The following MARCHF1 variants were observed in gnomAD, a reference collection of about 807,000 sequenced individuals.
MARCHF1 encodes the protein membrane associated ring-CH-type finger 1.
MARCHF1 carries 40 observed loss-of-function variants against 54.2 expected under a neutral mutation model. The observed-to-expected ratio is 0.74, with a 90% CI of 0.57 to 0.96. MARCHF1 has a LOEUF of 0.96. Among genes scored for constraint, MARCHF1 ranks in the 40% least tolerant of loss-of-function variants. MARCHF1 has a pLI of 0.00. For missense variants in MARCHF1, 586 were observed against 656.5 expected (o/e 0.89, Z 1.17); for synonymous variants, 236 against 236.3 (o/e 1.00, Z 0.01).
At chr4:163,981,235 CA>C (rs1752756808) in intron 3 of MARCHF1, among the ~76,000 whole-genome samples, 1 of 152,008 alleles carries the variant, frequency 6.6e-6, no homozygotes. Context: ...TGCTTTGTAG[CA>C]GAAAATGTGC....
rs554825487 is a variant in MARCHF1, at chr4:163,723,353, C to T, written c.112-22490G>A. Among the ~76,000 whole-genome samples, 548 of 152,282 alleles carry T rather than the reference C, an allele frequency of 3.6e-3. 3 individuals carry two copies. The highest frequency in any genetic ancestry group is 0.013 in the African/African-American group (524 of 41,544). On this transcript the variant is annotated intron_variant, in intron 4 of 9. Transcript: ENST00000514618. Reference sequence around the variant, plus strand: ...CTTTAAAAATGTTGAATATTGGCCCCCACTCTCTTCTGGCTTGTAGAGTTT... The same window carrying T: ...CTTTAAAAATGTTGAATATTGGCCCTCACTCTCTTCTGGCTTGTAGAGTTT...
At chr4:163,649,087 A>G (rs1270142744) in intron 5 of MARCHF1, among the ~76,000 whole-genome samples, 3 of 152,012 alleles carry the variant, frequency 2.0e-5, no homozygotes, top group African/African-American at 7.2e-5. Context: ...TTTTTTTTCT[A>G]GAATATGCTG....
At chr4:164,091,434 A>ATATATAT (rs56887424) in intron 2 of MARCHF1, among the ~76,000 whole-genome samples, 2 of 147,066 alleles carry the variant, frequency 1.4e-5, no homozygotes, top group Non-Finnish European at 1.5e-5. Context: ...ATATATGTAT[A>ATATATAT]AAATGAATTG....
At position 163,740,067 on chromosome 4, in the gene MARCHF1, C is replaced by T. The variant is rs561465894; in HGVS notation, c.112-39204G>A. 2.6e-5 allele frequency among the ~76,000 whole-genome samples: 4 copies of T among 152,266 alleles called. No individual in the cohort carries two copies. The South Asian group carries it at 8.3e-4, about 32-fold the overall frequency. Reference sequence around the variant, plus strand: ...ATTATAGGCACACTGCATGATTGAACTAAACTTGGTTCACAGTTATTTAAA... The same window carrying T: ...ATTATAGGCACACTGCATGATTGAATTAAACTTGGTTCACAGTTATTTAAA... On this transcript the variant is annotated intron_variant, in intron 4 of 9. Coordinates refer to ENST00000514618, the MANE Select transcript of MARCHF1 (RefSeq NM_001394959.1).
At chr4:163,828,773 G>C (rs776711605) in intron 4 of MARCHF1, 1 of 152,122 alleles carries the variant, frequency 6.6e-6, no homozygotes, top group African/African-American at 2.4e-5. Context: ...CATGTAAGTC[G>C]GTGTTGTATA....
chr4:163,991,833 C>A (rs996378209), intron 2 of MARCHF1, among the ~76,000 whole-genome samples: 11 of 152,070 alleles, frequency 7.2e-5, no homozygotes, highest in Non-Finnish European at 1.5e-4. Context: ...TACATTCTGG[C>A]TTCCAGCCCT....
chr4:163,805,390 A>G (rs1748198471), intron 4 of MARCHF1, among the ~76,000 whole-genome samples: 1 of 152,170 alleles, frequency 6.6e-6, no homozygotes. Context: ...ACATTCAACA[A>G]GTTTATAGTT....
At chr4:164,118,954 T>TA (rs200687314) in intron 1 of MARCHF1, among the ~76,000 whole-genome samples, 2 of 148,892 alleles carry the variant, frequency 1.3e-5, no homozygotes, top group African/African-American at 5.0e-5. Flanking sequence ...ATGAAAAAAA[T>TA]ATAATACGGG....
intron 5 of MARCHF1, among the ~76,000 whole-genome samples, chr4:163,683,128 G>T (rs2111170802): frequency 6.6e-6 from 1 of 152,280 alleles, no homozygotes; most frequent in South Asian, 2.1e-4. Flanking sequence ...TATTTATGAT[G>T]TATTAGTCTG....
rs1278008861 is a variant in MARCHF1 at position 163,737,153 on chromosome 4, CTTTTTTCTTTCTT to C, written c.112-36303_112-36291del. Among the ~76,000 whole-genome samples, 41 of 79,228 alleles carry C rather than the reference CTTTTTTCTTTCTT, an allele frequency of 5.2e-4. 1 individual carries two copies. The highest frequency in any genetic ancestry group is 1.8e-3 in the African/African-American group (37 of 20,770). 52.0% of individuals were successfully genotyped at this position (79,228 alleles called of 152,430 possible). Reference sequence around the variant, plus strand: ...TTAAGTCACTTATCAGCGCTCGCAGCTTTTTTCTTTCTTTTTTTTTTTTTTTTTTCACATATTA... The same window carrying C: ...TTAAGTCACTTATCAGCGCTCGCAGCTTTTTTTTTTTTTTTTCACATATTA... On this transcript the variant is annotated intron_variant, in intron 4 of 9. Transcript: ENST00000514618.
At chr4:163,913,994 CT>C (rs5863638) in intron 3 of MARCHF1, among the ~76,000 whole-genome samples, 142,710 of 151,948 alleles carry the variant, frequency 0.94, 67,453 homozygotes, top group South Asian at 0.99. Flanking sequence ...GATCTCTATT[CT>C]TTTTTTTTTT....
At chr4:163,606,370 G>C (rs573418986) in intron 7 of MARCHF1, among the ~76,000 whole-genome samples, 1 of 152,026 alleles carries the variant, frequency 6.6e-6, no homozygotes, top group Non-Finnish European at 1.5e-5. Context: ...GTATTGTGGA[G>C]GGCACAAAAC....
chr4:164,242,119 G>A (rs1429475287), intron 1 of MARCHF1, among the ~76,000 whole-genome samples: 1 of 151,906 alleles, frequency 6.6e-6, no homozygotes, highest in African/African-American at 2.4e-5. Flanking sequence ...ACTGGGTGGA[G>A]CCCACCACAG....
intron 1 of MARCHF1, among the ~76,000 whole-genome samples, chr4:164,193,407 G>C (rs1731171981): frequency 6.6e-6 from 1 of 151,936 alleles, no homozygotes; most frequent in Non-Finnish European, 1.5e-5. Flanking sequence ...TATGCTCCCA[G>C]TTATCCAATT....
intron 8 of MARCHF1, among the ~76,000 whole-genome samples, chr4:163,561,515 A>G (rs889912804): frequency 6.6e-6 from 1 of 152,202 alleles, no homozygotes; most frequent in African/African-American, 2.4e-5. Flanking sequence ...CAATACATCT[A>G]TCACACAAAT....
chr4:163,735,102 T>G (rs992143885), intron 4 of MARCHF1, among the ~76,000 whole-genome samples: 2 of 152,136 alleles, frequency 1.3e-5, no homozygotes, highest in Non-Finnish European at 2.9e-5. Flanking sequence ...TACGGATATT[T>G]ACATCTTGCT....
intron 3 of MARCHF1, among the ~76,000 whole-genome samples, chr4:163,942,908 A>C (rs1176191905): frequency 1.3e-5 from 2 of 151,880 alleles, no homozygotes; most frequent in Non-Finnish European, 2.9e-5. Context: ...GTGAAACTGT[A>C]CTTATTTGAA....
intron 1 of MARCHF1, among the ~76,000 whole-genome samples, chr4:164,144,363 T>C (rs952689250): frequency 6.6e-6 from 1 of 151,446 alleles, no homozygotes; most frequent in Non-Finnish European, 1.5e-5. Context: ...ATCAACAGAA[T>C]ATATATTTTT....
intron 3 of MARCHF1, among the ~76,000 whole-genome samples, chr4:163,881,312 T>A (rs1258524045): frequency 6.6e-6 from 1 of 151,928 alleles, no homozygotes; most frequent in Non-Finnish European, 1.5e-5. Context: ...CCGTCTCCAC[T>A]AAAAGAACAA....
Sources: allele counts gnomAD v4.1 joint callset (sites outside exome capture counted in the v4.1 genomes callset), GRCh38; gene constraint gnomAD v4.1.1; transcripts MANE v1.5; gene names NCBI Gene and HGNC (gene_info 2026-07-23, HGNC 2026-07-21).